HMGCS2: variants seen among roughly 807,000 people sequenced by gnomAD.
The protein encoded by HMGCS2 is 3-hydroxy-3-methylglutaryl-CoA synthase 2.
A neutral mutation model predicts 57.4 loss-of-function variants in HMGCS2; 50 were observed. The ratio of observed to expected loss-of-function variants is 0.87; its 90% CI spans 0.69 to 1.10. HMGCS2 has a LOEUF of 1.10. Ranked by LOEUF, HMGCS2 falls within the 50% of genes least tolerant of loss-of-function variation. The probability of loss-of-function intolerance (pLI) is 0.00; values close to 1 mark genes in which losing one functional copy is unlikely to be tolerated. For synonymous variants in HMGCS2, 254 were observed against 245.1 expected, an observed-to-expected ratio of 1.04 and a Z score of -0.34; for missense variants, 627 against 636.5, an observed-to-expected ratio of 0.99 and a Z score of 0.16.
Position 119,753,323 on chromosome 1 carries a change from T to G in HMGCS2, c.1251A>C (p.Ala417=). 6.2e-7 allele frequency: 1 copy of G among 1,613,808 alleles called. No individual in the cohort carries two copies. Among genetic ancestry groups the G allele is most frequent in the Admixed American group, 1.7e-5 (1 of 59,982 alleles). The part of the protein sequence containing the change: ...IGAFSYGSGL[A]ASFFSFRVSQ... Reference sequence around the variant, plus strand: ...ATACTCGAAATGAAAAGAAACTTGCTGCTAAACCAGAGCCATAAGAGAAGG... The same window carrying G: ...ATACTCGAAATGAAAAGAAACTTGCGGCTAAACCAGAGCCATAAGAGAAGG... The change falls in exon 7 of 10, where the codon GCA becomes GCC. Residue 417 remains alanine, a synonymous_variant. Transcript: ENST00000369406.
intron 4 of HMGCS2, 49 bp downstream of exon 4, chr1:119,759,069 T>C (rs747371836): frequency 4.0e-5 from 64 of 1,584,930 alleles, no homozygotes; most frequent in Non-Finnish European, 5.2e-5. Flanking sequence ...GTACAAACCC[T>C]TGGCCTATGT....
chr1:119,766,896 T>C (rs1411884279), intron 1 of HMGCS2, among the ~76,000 whole-genome samples: 1 of 152,182 alleles, frequency 6.6e-6, no homozygotes, highest in Non-Finnish European at 1.5e-5. Context: ...TTCCAGAAGC[T>C]TCAGCCCACC....
chr1:119,757,751 T>C (rs1208955271), intron 4 of HMGCS2, among the ~76,000 whole-genome samples: 1 of 152,202 alleles, frequency 6.6e-6, no homozygotes, highest in African/African-American at 2.4e-5. Context: ...TACAAAACAT[T>C]GTCATCTGTC....
At chr1:119,757,936 TA>T (rs1652905928) in intron 4 of HMGCS2, among the ~76,000 whole-genome samples, 2 of 152,136 alleles carry the variant, frequency 1.3e-5, no homozygotes, top group South Asian at 4.1e-4. Context: ...AAATAAGGAG[TA>T]AAATTTAAAT....
At position 119,764,248 on chromosome 1, in the gene HMGCS2, A is replaced by T; in HGVS notation, c.483T>A (p.Asp161Glu). 1 of 1,614,214 alleles carries T rather than the reference A, an allele frequency of 6.2e-7. No individual in the cohort carries two copies. The highest frequency in any genetic ancestry group is 8.5e-7 in the Non-Finnish European group (1 of 1,180,052). The change falls in exon 2 of 10, where the codon GAT becomes GAA. Residue 161 changes from aspartate (D) to glutamate (E), a missense_variant. Transcript: ENST00000369406. ...TACCACCGTAGCAGGCATTGGTGGT[A>T]TCTATGCCCTCAATATCAGTATTGC... is the stretch of plus-strand genomic sequence containing the variant. Reference protein sequence around the residue: ...DSGNTDIEGIDTTNACYGGTA... With the variant: ...DSGNTDIEGIETTNACYGGTA...
Position 119,759,904 on chromosome 1 carries a change from A to G in HMGCS2, c.645T>C (p.Ala215=). The G allele has an allele frequency of 2.5e-6, 4 of 1,614,194 alleles. No individual in the cohort carries two copies. Among genetic ancestry groups the G allele is most frequent in the Non-Finnish European group, 1.7e-6 (2 of 1,180,010 alleles). The stretch of plus-strand genomic sequence containing the variant: ...GAGGGGCCTTGGGCCCAATCAGCAT[A>G]GCCACAGCTCCGGCCCCACCTGTGG... ...ARPTGGAGAV[A]MLIGPKAPLA... is the part of the protein sequence containing the mutation. The change falls in exon 3 of 10, where the codon GCT becomes GCC. Residue 215 remains alanine (A), a synonymous_variant. Transcript: ENST00000369406.
Position 119,764,216 on chromosome 1 carries a change from G to A in HMGCS2, c.515C>T (p.Ser172Phe), listed in dbSNP as rs867469566. Residue 172 changes from serine to phenylalanine, a missense_variant, in exon 2 of 10, where the codon TCC becomes TTC. Transcript: ENST00000369406. ...CATCCAGTTGGCAGCATTGAAGAGG[G>A]AGGCAGTACCACCGTAGCAGGCATT... ...TTNACYGGTASLFNAANWMES... is the reference protein window; with the variant it reads ...TTNACYGGTAFLFNAANWMES... 2 of 1,613,894 alleles carry A rather than the reference G, an allele frequency of 1.2e-6. No homozygotes were observed. The highest frequency in any genetic ancestry group is 4.5e-5 in the East Asian group (2 of 44,880).
At chr1:119,765,480 A>G (rs1653197042) in intron 1 of HMGCS2, among the ~76,000 whole-genome samples, 1 of 152,122 alleles carries the variant, frequency 6.6e-6, no homozygotes, top group African/African-American at 2.4e-5. Flanking sequence ...TTTTAGAGTA[A>G]GCAAATATTT....
intron 1 of HMGCS2, among the ~76,000 whole-genome samples, chr1:119,767,490 G>T (rs1040826719): frequency 6.6e-6 from 1 of 152,154 alleles, no homozygotes; most frequent in African/African-American, 2.4e-5. Flanking sequence ...GTAAGTGGAG[G>T]GCACAAGTCT....
chr1:119,761,785 A>C (rs587758774), intron 2 of HMGCS2, among the ~76,000 whole-genome samples: 100 of 152,214 alleles, frequency 6.6e-4, no homozygotes, highest in African/African-American at 2.4e-3. Flanking sequence ...TAAATAAAAA[A>C]TAAAAAAAGG....
intron 1 of HMGCS2, among the ~76,000 whole-genome samples, chr1:119,767,869 C>T (rs1171431451): frequency 6.6e-5 from 10 of 152,134 alleles, no homozygotes; most frequent in Non-Finnish European, 1.5e-5. Context: ...TTTGGCAGTG[C>T]ATGGGGAGAG....
chr1:119,754,452 G>A (rs1004461701), intron 6 of HMGCS2, among the ~76,000 whole-genome samples: 3 of 152,042 alleles, frequency 2.0e-5, no homozygotes, highest in African/African-American at 7.2e-5. Context: ...CCTCCTGCCT[G>A]AGCCTTCCAA....
At chr1:119,752,511 T>G in intron 8 of HMGCS2, 38 bp downstream of exon 8, 1 of 1,609,524 alleles carries the variant, frequency 6.2e-7, no homozygotes, top group Non-Finnish European at 8.5e-7. Context: ...GCTACTGGAA[T>G]GGGGTCTCTC....
rs2101239069 is a variant in HMGCS2 at position 119,748,019 on chromosome 1, T to G, written c.*828A>C. The stretch of plus-strand genomic sequence containing the variant: ...CATCAAAATTTATTTATTTTTTTAT[T>G]TTTGGCTATAGAAGGCAAAAACTTG... On this transcript the variant is annotated 3_prime_UTR_variant, in exon 10 of 10. Coordinates refer to ENST00000369406, the MANE Select transcript of HMGCS2 (RefSeq NM_005518.4). 6.6e-6 allele frequency: 1 copy of G among 152,372 alleles called. No homozygotes were observed. The highest frequency in any genetic ancestry group is 2.1e-4 in the South Asian group (1 of 4,832). 9.4% of individuals were successfully genotyped at this position (152,372 alleles called of 1,614,324 possible).
At chr1:119,751,213 C>T (rs1466143158) in intron 8 of HMGCS2, among the ~76,000 whole-genome samples, 1 of 152,196 alleles carries the variant, frequency 6.6e-6, no homozygotes, top group East Asian at 1.9e-4. Flanking sequence ...ATCCTTTTGC[C>T]AATAGTTCCT....
At chr1:119,758,237 A>G (rs1652916444) in intron 4 of HMGCS2, among the ~76,000 whole-genome samples, 1 of 152,170 alleles carries the variant, frequency 6.6e-6, no homozygotes, top group Non-Finnish European at 1.5e-5. Flanking sequence ...ATTTTTATTT[A>G]TTTATATGTT....
At chr1:119,762,116 A>C (rs919873636) in intron 2 of HMGCS2, among the ~76,000 whole-genome samples, 2 of 152,226 alleles carry the variant, frequency 1.3e-5, no homozygotes, top group Non-Finnish European at 2.9e-5. Flanking sequence ...TAAAAAACTA[A>C]ATATCCATCA....
intron 2 of HMGCS2, among the ~76,000 whole-genome samples, chr1:119,761,316 T>C (rs1178266032): frequency 6.6e-6 from 1 of 151,442 alleles, no homozygotes; most frequent in Non-Finnish European, 1.5e-5. Flanking sequence ...TATAGAAAAG[T>C]ATTTAGAATC....
intron 4 of HMGCS2, 27 bp downstream of exon 4, chr1:119,759,091 C>G (rs1557991678): frequency 1.2e-6 from 2 of 1,613,292 alleles, no homozygotes; most frequent in Middle Eastern, 1.7e-4. Flanking sequence ...AATAGAGCCC[C>G]CACTTTCTGC....
Sources: gnomAD v4.1 joint callset for allele counts (sites outside exome capture counted in the v4.1 genomes callset) on GRCh38, gnomAD v4.1.1 for gene constraint, MANE v1.5 for transcripts, NCBI Gene and HGNC (gene_info 2026-07-23, HGNC 2026-07-21) for gene names.